Variants in MAPK10 observed in about 807,000 individuals in gnomAD.
MAPK10 encodes mitogen-activated protein kinase 10, also known as JNK3 alpha protein kinase.
Under a neutral mutation model 59.3 loss-of-function variants are expected in MAPK10, and 25 were observed. The observed-to-expected ratio is 0.42, with a 90% CI of 0.31 to 0.59. The LOEUF is 0.59. MAPK10 is among the 20% of genes least tolerant of loss of function. The pLI, the probability that MAPK10 is intolerant of heterozygous loss-of-function variation, is 0.15. For synonymous variants in MAPK10, 190 were observed against 200.5 expected, an observed-to-expected ratio of 0.95 and a Z score of 0.44; for missense variants, 351 against 568.9, an observed-to-expected ratio of 0.62 and a Z score of 3.90.
rs72660202 is a variant in MAPK10 at position 86,034,859 on chromosome 4, A to G, written c.1111-3428T>C. 4.7e-3 allele frequency among the ~76,000 whole-genome samples: 709 copies of G among 152,268 alleles called. 4 individuals carry two copies. Among genetic ancestry groups the G allele is most frequent in the Non-Finnish European group, 6.0e-3 (408 of 68,012 alleles). On this transcript the variant is annotated intron_variant, in intron 11 of 13. Transcript: ENST00000641462. ...AAAAGTGACTCCATGCCAAGAGCAC[A>G]TTATAAGCCAAGTTACAGTATGTAG...
chr4:86,434,696 G>A (rs920971051), intron 1 of MAPK10, among the ~76,000 whole-genome samples: 11 of 152,200 alleles, frequency 7.2e-5, no homozygotes, highest in African/African-American at 2.7e-4. Flanking sequence ...CTGTTGATGA[G>A]AATGTAAATT....
chr4:86,567,008 C>T (rs967630696), intron 1 of MAPK10, among the ~76,000 whole-genome samples: 4 of 152,136 alleles, frequency 2.6e-5, no homozygotes, highest in African/African-American at 9.7e-5. Context: ...GAAGTTGAGG[C>T]TGCAGTGAGC....
intron 1 of MAPK10, chr4:86,370,749 C>T (rs1472360732): frequency 6.6e-6 from 1 of 152,154 alleles, no homozygotes; most frequent in Non-Finnish European, 1.5e-5. Context: ...AAATGGAAAC[C>T]TTAGTCTCAG....
intron 1 of MAPK10, among the ~76,000 whole-genome samples, chr4:86,423,153 G>A (rs1430629966): frequency 6.6e-6 from 1 of 152,042 alleles, no homozygotes; most frequent in East Asian, 1.9e-4. Context: ...TATATTACCT[G>A]GAGAAGCAAT....
chr4:86,061,730 C>T (rs966366902), intron 11 of MAPK10, among the ~76,000 whole-genome samples: 6 of 152,090 alleles, frequency 3.9e-5, no homozygotes, highest in Non-Finnish European at 7.4e-5. Context: ...TTATTTCCAT[C>T]CAATGAAACT....
Position 86,022,341 on chromosome 4 carries a change from C to G in MAPK10, c.1253-4971G>C, listed in dbSNP as rs550469317. On this transcript the variant is annotated intron_variant, in intron 13 of 13. Coordinates refer to ENST00000641462, the MANE Select transcript of MAPK10 (RefSeq NM_138982.4). The stretch of plus-strand genomic sequence containing the variant: ...GGTTTGATTTGCATTTGCCTGATAG[C>G]TAATAATGTTGAGTATATTTTTTCA... Among the ~76,000 whole-genome samples the G allele has an allele frequency of 2.0e-5, 3 of 152,242 alleles. No individual in the cohort carries two copies. The South Asian group carries it at 6.2e-4, about 32-fold the overall frequency.
chr4:86,577,567 C>T (rs939213128), intron 1 of MAPK10, among the ~76,000 whole-genome samples: 1 of 152,014 alleles, frequency 6.6e-6, no homozygotes, highest in Non-Finnish European at 1.5e-5. Context: ...GTTTGTTTGC[C>T]AACCTTGTTG....
intron 9 of MAPK10, chr4:86,080,154 A>G (rs997625111): frequency 6.6e-6 from 1 of 152,086 alleles, no homozygotes; most frequent in Non-Finnish European, 1.5e-5. Context: ...ACATAATATA[A>G]AGAATGAAAA....
At chr4:86,023,929 C>T (rs2148903283) in intron 13 of MAPK10, 1 of 143,524 alleles carries the variant, frequency 7.0e-6, no homozygotes, top group South Asian at 2.2e-4. Context: ...GAGAAAATAA[C>T]CAGTTTTAAA....
chr4:86,375,130 G>A (rs1352652045), intron 1 of MAPK10, among the ~76,000 whole-genome samples: 1 of 152,066 alleles, frequency 6.6e-6, no homozygotes, highest in East Asian at 1.9e-4. Flanking sequence ...ATGAATACTT[G>A]GAAAAAAGAG....
At chr4:86,359,287 T>TCTCTCTCTCTCTCTCTCTCTCTCC (rs1173944873) in intron 1 of MAPK10, among the ~76,000 whole-genome samples, 2 of 128,402 alleles carry the variant, frequency 1.6e-5, no homozygotes, top group African/African-American at 6.9e-5. Flanking sequence ...TCTCTCTCTC[T>TCTCTCTCTCTCTCTCTCTCTCTCC]CTGTGTGTGT....
At chr4:86,445,589 A>T (rs1255345991) in intron 1 of MAPK10, among the ~76,000 whole-genome samples, 4 of 152,136 alleles carry the variant, frequency 2.6e-5, no homozygotes, top group Admixed American at 6.6e-5. Context: ...TAAAAATTTA[A>T]ATTTACACTG....
chr4:86,161,533 G>C (rs1190875670), intron 3 of MAPK10, among the ~76,000 whole-genome samples: 1 of 151,984 alleles, frequency 6.6e-6, no homozygotes, highest in Non-Finnish European at 1.5e-5. Flanking sequence ...GCTAAGAAAG[G>C]TTAAAAAGCA....
intron 11 of MAPK10, among the ~76,000 whole-genome samples, chr4:86,049,366 C>T (rs2043096094): frequency 6.6e-6 from 1 of 151,768 alleles, no homozygotes; most frequent in East Asian, 1.9e-4. Flanking sequence ...GTATTATATA[C>T]ATTATTATAT....
At chr4:86,399,071 T>C (rs558354024) in intron 1 of MAPK10, among the ~76,000 whole-genome samples, 6 of 152,314 alleles carry the variant, frequency 3.9e-5, no homozygotes, top group Non-Finnish European at 8.8e-5. Context: ...AACACACACA[T>C]GCGTATGTCT....
intron 1 of MAPK10, among the ~76,000 whole-genome samples, chr4:86,547,136 T>C (rs1447039441): frequency 2.0e-5 from 3 of 152,220 alleles, no homozygotes; most frequent in Non-Finnish European, 2.9e-5. Flanking sequence ...CTATGAGTGA[T>C]AGTGAGAGGT....
Position 86,376,545 on chromosome 4 carries a change from T to C in MAPK10, c.-121-21901A>G, listed in dbSNP as rs56333748. Among the ~76,000 whole-genome samples, 1,074 of 152,346 alleles carry C rather than the reference T, an allele frequency of 7.0e-3. 3 individuals carry two copies. The highest frequency in any genetic ancestry group is 0.012 in the Non-Finnish European group (831 of 68,016). Reference sequence around the variant, plus strand: ...GTTGTTGAATAAAGGTTATGGTCTCTGCTTAGACTGAGAGCTTGCTGAAAT... The same window carrying C: ...GTTGTTGAATAAAGGTTATGGTCTCCGCTTAGACTGAGAGCTTGCTGAAAT... On this transcript the variant is annotated intron_variant, in intron 1 of 13. Coordinates refer to the MAPK10 transcript ENST00000361569.
At chr4:86,402,825 C>A (rs758929427) in intron 1 of MAPK10, among the ~76,000 whole-genome samples, 3 of 152,154 alleles carry the variant, frequency 2.0e-5, no homozygotes, top group South Asian at 4.1e-4. Context: ...AACAGGCCAG[C>A]CTTAGCATCT....
At chr4:86,216,962 A>G (rs1302836182) in intron 2 of MAPK10, among the ~76,000 whole-genome samples, 2 of 152,182 alleles carry the variant, frequency 1.3e-5, no homozygotes, top group Non-Finnish European at 2.9e-5. Context: ...TAACAGATTC[A>G]GGTATTTTGA....
Sources: allele counts gnomAD v4.1 joint callset (sites outside exome capture counted in the v4.1 genomes callset), GRCh38; gene constraint gnomAD v4.1.1; transcripts MANE v1.5; gene names NCBI Gene and HGNC (gene_info 2026-07-23, HGNC 2026-07-21).